The following PRKG1 variants were observed in gnomAD, a reference collection of about 807,000 sequenced individuals.
PRKG1 encodes the protein cGMP-dependent protein kinase 1.
Under a neutral mutation model 88.1 loss-of-function variants are expected in PRKG1, and 35 were observed. The ratio of observed to expected loss-of-function variants is 0.40; its 90% CI spans 0.30 to 0.53. The LOEUF (loss-of-function observed/expected upper bound fraction) is 0.53. Among genes scored for constraint, PRKG1 ranks in the 20% least tolerant of loss-of-function variants. The probability of loss-of-function intolerance (pLI) is 0.59; values close to 1 mark genes in which losing one functional copy is unlikely to be tolerated. For missense variants in PRKG1, 540 were observed against 839.8 expected (o/e 0.64, Z 4.41); for synonymous variants, 303 against 292.5 (o/e 1.04, Z -0.37).
chr10:51,431,248 G>A (rs1442657841), intron 2 of PRKG1, among the ~76,000 whole-genome samples: 1 of 152,158 alleles, frequency 6.6e-6, no homozygotes, highest in African/African-American at 2.4e-5. Flanking sequence ...GACATGGAGA[G>A]ATCCTTGTAA....
At chr10:51,663,211 G>A (rs1401608199) in intron 3 of PRKG1, among the ~76,000 whole-genome samples, 6 of 152,054 alleles carry the variant, frequency 3.9e-5, no homozygotes, top group Admixed American at 1.3e-4. Context: ...ATTTTGATAT[G>A]AAAAGTGAAG....
Position 51,750,089 on chromosome 10 carries a change from C to A in PRKG1, c.593-54496C>A, listed in dbSNP as rs188758414. On this transcript the variant is annotated intron_variant, in intron 3 of 17. Transcript: ENST00000373980. ...TAGCTGGGATTACAGGCTCATGCCACCATGCCCAGCTAACTTTTGTATTTT... is the reference window on the plus strand; with the variant it reads ...TAGCTGGGATTACAGGCTCATGCCAACATGCCCAGCTAACTTTTGTATTTT... 1.5e-3 allele frequency among the ~76,000 whole-genome samples: 223 copies of A among 152,080 alleles called. 2 individuals carry two copies. The highest frequency in any genetic ancestry group is 3.4e-4 in the Non-Finnish European group (23 of 68,006).
At chr10:51,262,842 A>G (rs75409155) in intron 2 of PRKG1, among the ~76,000 whole-genome samples, 19,236 of 152,168 alleles carry the variant, frequency 0.13, 1,801 homozygotes, top group African/African-American at 0.27. Context: ...CACTAAAATA[A>G]CAAGGGGGCA....
At position 52,297,588 on chromosome 10, in the gene PRKG1, G is replaced by C. The variant is rs1842408003; in HGVS notation, c.*3688G>C. 6.6e-6 allele frequency: 1 copy of C among 152,116 alleles called. No individual in the cohort carries two copies. The highest frequency in any genetic ancestry group is 2.1e-4 in the South Asian group (1 of 4,834). The allele number at this position is 152,116 out of a possible 1,614,324, so 9.4% of individuals were successfully genotyped here. On this transcript the variant is annotated 3_prime_UTR_variant, in exon 18 of 18. Coordinates refer to ENST00000373980, the MANE Select transcript of PRKG1 (RefSeq NM_006258.4). ...GCTGTGTATCTGTTAATGAGATACAGCGTCATTTCTGTGAAATGTATAAAT... is the reference window on the plus strand; with the variant it reads ...GCTGTGTATCTGTTAATGAGATACACCGTCATTTCTGTGAAATGTATAAAT...
intron 2 of PRKG1, among the ~76,000 whole-genome samples, chr10:51,407,164 C>T (rs1837944216): frequency 6.6e-6 from 1 of 152,166 alleles, no homozygotes; most frequent in Admixed American, 6.5e-5. Context: ...CCCTCACAAA[C>T]ATACCCAGGA....
chr10:51,233,507 T>A (rs1270280022), intron 2 of PRKG1, among the ~76,000 whole-genome samples: 2 of 152,204 alleles, frequency 1.3e-5, no homozygotes, highest in African/African-American at 4.8e-5. Flanking sequence ...GATGGAATGT[T>A]ATTAAGGCTT....
chr10:51,698,621 G>A (rs752712734), intron 3 of PRKG1: 2 of 1,614,034 alleles, frequency 1.2e-6, no homozygotes, highest in Non-Finnish European at 1.7e-6. Context: ...AGGAGCTCTA[G>A]GATCTGACAT....
chr10:51,626,596 C>T (rs1164916415), intron 3 of PRKG1, among the ~76,000 whole-genome samples: 1 of 152,102 alleles, frequency 6.6e-6, no homozygotes, highest in Non-Finnish European at 1.5e-5. Context: ...GATTTTCAGA[C>T]TTTCATATTT....
intron 1 of PRKG1, among the ~76,000 whole-genome samples, chr10:51,015,929 G>A (rs1473825892): frequency 2.6e-5 from 4 of 152,080 alleles, no homozygotes; most frequent in Admixed American, 6.6e-5. Flanking sequence ...CCTCTGAAGG[G>A]TCTTCTCACA....
intron 4 of PRKG1, among the ~76,000 whole-genome samples, chr10:51,884,538 C>G (rs559393977): frequency 6.7e-6 from 1 of 150,028 alleles, no homozygotes; most frequent in African/African-American, 2.4e-5. Context: ...TCCTAAATTA[C>G]CCCAAAATGT....
chr10:51,770,098 T>C (rs374844317), intron 3 of PRKG1, among the ~76,000 whole-genome samples: 41 of 152,322 alleles, frequency 2.7e-4, no homozygotes, highest in African/African-American at 9.1e-4. Flanking sequence ...ACAAATATAC[T>C]AACTTCCTGA....
At chr10:51,217,501 T>TGAGGGTGTTG (rs1838402978) in intron 2 of PRKG1, among the ~76,000 whole-genome samples, 1 of 152,098 alleles carries the variant, frequency 6.6e-6, no homozygotes, top group African/African-American at 2.4e-5. Flanking sequence ...AAGAACATTG[T>TGAGGGTGTTG]GAGGGTGTTG....
intron 4 of PRKG1, among the ~76,000 whole-genome samples, chr10:51,839,933 A>G (rs1223340820): frequency 6.6e-6 from 1 of 152,128 alleles, no homozygotes; most frequent in Admixed American, 6.6e-5. Context: ...TTAGTTTTTA[A>G]TTCTTGAGGA....
chr10:51,406,397 G>A (rs1267642084), intron 2 of PRKG1, among the ~76,000 whole-genome samples: 1 of 152,142 alleles, frequency 6.6e-6, no homozygotes, highest in Non-Finnish European at 1.5e-5. Context: ...TTTACTAGCA[G>A]ATGAAACCCA....
intron 3 of PRKG1, among the ~76,000 whole-genome samples, chr10:51,489,164 G>A (rs1840633844): frequency 1.3e-5 from 2 of 152,144 alleles, no homozygotes; most frequent in South Asian, 4.1e-4. Context: ...CTTCACCATA[G>A]AATGTAAATA....
chr10:51,858,714 A>G (rs929256858), intron 4 of PRKG1, among the ~76,000 whole-genome samples: 2 of 151,734 alleles, frequency 1.3e-5, no homozygotes, highest in African/African-American at 4.8e-5. Context: ...GTGTGGTGCC[A>G]CAGATGGTGA....
intron 7 of PRKG1, chr10:52,128,269 G>A: frequency 1.0e-6 from 1 of 985,402 alleles, no homozygotes; most frequent in Middle Eastern, 5.2e-4. Flanking sequence ...CAGCAGTCAT[G>A]TTGCTCCAGA....
At chr10:51,875,091 A>G (rs1412921989) in intron 4 of PRKG1, among the ~76,000 whole-genome samples, 1 of 152,180 alleles carries the variant, frequency 6.6e-6, no homozygotes, top group African/African-American at 2.4e-5. Flanking sequence ...CTGCTTGATT[A>G]GAAGAAAACA....
At chr10:51,850,610 C>T (rs1286295358) in intron 4 of PRKG1, among the ~76,000 whole-genome samples, 1 of 151,962 alleles carries the variant, frequency 6.6e-6, no homozygotes, top group Non-Finnish European at 1.5e-5. Context: ...TCATAAAGAG[C>T]AATCTCCTTA....
Sources: gnomAD v4.1 joint callset for allele counts (sites outside exome capture counted in the v4.1 genomes callset) on GRCh38, gnomAD v4.1.1 for gene constraint, MANE v1.5 for transcripts, NCBI Gene and HGNC (gene_info 2026-07-23, HGNC 2026-07-21) for gene names.